Variants in AGAP1 observed in about 807,000 individuals in gnomAD.
The protein encoded by AGAP1 is ArfGAP with GTPase domain, ankyrin repeat and PH domain 1, also known as arf-GAP with GTPase, ANK repeat and PH domain-containing protein 1.
Under a neutral mutation model 105.3 loss-of-function variants are expected in AGAP1, and 29 were observed. The observed-to-expected ratio is 0.28, with a 90% CI of 0.21 to 0.38. AGAP1 has a LOEUF of 0.38. Ranked by LOEUF, AGAP1 falls within the 10% of genes least tolerant of loss-of-function variation. The pLI is 1.00. For synonymous variants in AGAP1, 509 were observed against 485.9 expected, an observed-to-expected ratio of 1.05 and a Z score of -0.63; for missense variants, 998 against 1,165.1, an observed-to-expected ratio of 0.86 and a Z score of 2.09.
rs1462445463 is a variant in AGAP1, at chr2:235,517,924, C to A, written c.163+23075C>A. ...CTCCAGCCTGGGTGACAGAGTGAGACTCCGTTTCAAAAAAAAAAAAAAAGA... is the reference window on the plus strand; with the variant it reads ...CTCCAGCCTGGGTGACAGAGTGAGAATCCGTTTCAAAAAAAAAAAAAAAGA... On this transcript the variant is annotated intron_variant, in intron 1 of 17. Transcript: ENST00000304032. This position sits in a 1 kb window ranked among gnomAD's most constrained non-coding sequence, Gnocchi z 4.1. 1.7e-5 allele frequency among the ~76,000 whole-genome samples: 2 copies of A among 120,998 alleles called. No individual in the cohort carries two copies. The highest frequency in any genetic ancestry group is 6.7e-5 in the African/African-American group (2 of 29,876). 79.4% of individuals were successfully genotyped at this position (120,998 alleles called of 152,430 possible).
chr2:235,770,876 C>T (rs774589005), intron 6 of AGAP1, among the ~76,000 whole-genome samples: 1 of 152,086 alleles, frequency 6.6e-6, no homozygotes, highest in Non-Finnish European at 1.5e-5. Flanking sequence ...CTGGAATTGA[C>T]GAATATTATA....
intron 13 of AGAP1, among the ~76,000 whole-genome samples, chr2:235,980,246 A>G (rs571315451): frequency 6.6e-6 from 1 of 152,222 alleles, no homozygotes; most frequent in Non-Finnish European, 1.5e-5. Context: ...AGTCGGAAAC[A>G]TTGATGGCTG....
chr2:235,801,316 G>A lies in AGAP1; in HGVS notation c.957+1794G>A, dbSNP rs888892893. ...GGGGCTTCCGGGAAGACTTCCTGGA[G>A]GAGGCAGAAGAGATCTGGTGGCATT... is the stretch of plus-strand genomic sequence containing the variant. On this transcript the variant is annotated intron_variant, in intron 8 of 17. Transcript: ENST00000304032. The surrounding 1 kb of genome is among the most constrained non-coding windows in gnomAD (Gnocchi z 6.0). Among the ~76,000 whole-genome samples, 2 of 152,172 alleles carry A rather than the reference G, an allele frequency of 1.3e-5. No individual in the cohort carries two copies. Among genetic ancestry groups the A allele is most frequent in the Non-Finnish European group, 2.9e-5 (2 of 68,026 alleles).
In AGAP1 at chr2:235,951,339, CTT is replaced by C. The variant is rs1161425458; in HGVS notation, c.1484-17120_1484-17119del. Among the ~76,000 whole-genome samples the C allele has an allele frequency of 6.6e-6, 1 of 152,078 alleles. No individual in the cohort carries two copies. Among genetic ancestry groups the C allele is most frequent in the Admixed American group, 6.5e-5 (1 of 15,268 alleles). ...TTCAAATTATCTTTCATGTTACAAA[CTT>C]TTCCAGCAGTTACCAGCCCCAGGTA... On this transcript the variant is annotated intron_variant, in intron 12 of 17. Transcript: ENST00000304032. The surrounding 1 kb of genome is among the most constrained non-coding windows in gnomAD (Gnocchi z 4.2).
rs1553615546 is a variant in AGAP1 at position 235,728,326 on chromosome 2, T to TGCGC, written c.310+10685_310+10686insCGCG. Among the ~76,000 whole-genome samples the TGCGC allele has an allele frequency of 6.6e-6, 1 of 151,628 alleles. No homozygotes were observed. The highest frequency in any genetic ancestry group is 2.4e-5 in the African/African-American group (1 of 41,084). ...CTGTGTGTGTGTGTGTGTGTGTGTG[T>TGCGC]GCGTGCTCTTAAATCAATGTAAATT... is the stretch of plus-strand genomic sequence containing the variant. On this transcript the variant is annotated intron_variant, in intron 3 of 17. Coordinates refer to ENST00000304032, the MANE Select transcript of AGAP1 (RefSeq NM_001037131.3). The surrounding 1 kb of genome is among the most constrained non-coding windows in gnomAD (Gnocchi z 4.3).
chr2:235,880,557 C>A (rs186400214), intron 9 of AGAP1, among the ~76,000 whole-genome samples: 1 of 146,250 alleles, frequency 6.8e-6, no homozygotes, highest in Non-Finnish European at 1.5e-5. Flanking sequence ...ATGGTGAAAC[C>A]CCATTTCTAC....
At chr2:235,914,133 A>G (rs1434743430) in intron 11 of AGAP1, among the ~76,000 whole-genome samples, 3 of 152,296 alleles carry the variant, frequency 2.0e-5, no homozygotes, top group East Asian at 1.9e-4. Context: ...TTATTCAGCC[A>G]TCTTGCTGAA....
chr2:236,095,096 C>A lies in AGAP1; in HGVS notation c.2115-25096C>A, dbSNP rs1175532489. On this transcript the variant is annotated intron_variant, in intron 16 of 17. Transcript: ENST00000304032. This position sits in a 1 kb window ranked among gnomAD's most constrained non-coding sequence, Gnocchi z 4.1. ...CCTTGGTGAGAGTGAGACACTGTCT[C>A]AAAAAAGTTGTGGGGGCAGGGCAGG... 6.6e-6 allele frequency among the ~76,000 whole-genome samples: 1 copy of A among 151,314 alleles called. No homozygotes were observed. The highest frequency in any genetic ancestry group is 1.5e-5 in the Non-Finnish European group (1 of 67,932).
chr2:235,607,167 G>A (rs1036551465), intron 1 of AGAP1, among the ~76,000 whole-genome samples: 32 of 144,052 alleles, frequency 2.2e-4, no homozygotes, highest in Admixed American at 3.4e-4. Context: ...CGGTGAGTTC[G>A]TTTGTTTCCA....
intron 1 of AGAP1, among the ~76,000 whole-genome samples, chr2:235,687,598 A>G (rs1336314473): frequency 6.6e-6 from 1 of 152,230 alleles, no homozygotes; most frequent in Non-Finnish European, 1.5e-5. Flanking sequence ...ATAAAAACTT[A>G]TTACATGAGG....
rs565869628 is a variant in AGAP1, at chr2:235,642,506, G to A, written c.164-66673G>A. On this transcript the variant is annotated intron_variant, in intron 1 of 17. Coordinates refer to ENST00000304032, the MANE Select transcript of AGAP1 (RefSeq NM_001037131.3). The surrounding 1 kb of genome is among the most constrained non-coding windows in gnomAD (Gnocchi z 4.1). ...CTTGGTTTTGCCAGCACTCCCAGTG[G>A]ACAGTCATGCCTGGACTTGTCTTCT... Among the ~76,000 whole-genome samples, 16 of 152,280 alleles carry A rather than the reference G, an allele frequency of 1.1e-4. No individual in the cohort carries two copies. Among genetic ancestry groups the A allele is most frequent in the African/African-American group, 3.4e-4 (14 of 41,562 alleles).
At position 235,961,966 on chromosome 2, in the gene AGAP1, C is replaced by T. The variant is rs765077262; in HGVS notation, c.1484-6496C>T. The stretch of plus-strand genomic sequence containing the variant: ...TCCATTTCCCAGGGGAGGGGCCCCG[C>T]GCCCATGGAGACTGCTGGGGACAGG... On this transcript the variant is annotated intron_variant, in intron 12 of 17. Transcript: ENST00000304032. The surrounding 1 kb of genome is among the most constrained non-coding windows in gnomAD (Gnocchi z 5.9). Among the ~76,000 whole-genome samples, 3 of 152,086 alleles carry T rather than the reference C, an allele frequency of 2.0e-5. No homozygotes were observed. The highest frequency in any genetic ancestry group is 1.9e-4 in the East Asian group (1 of 5,170).
In AGAP1 at chr2:235,559,529, A is replaced by G. The variant is rs1944082300; in HGVS notation, c.163+64680A>G. Among the ~76,000 whole-genome samples the G allele has an allele frequency of 6.6e-6, 1 of 152,202 alleles. No homozygotes were observed. The highest frequency in any genetic ancestry group is 1.5e-5 in the Non-Finnish European group (1 of 68,038). ...TGTAAATAATGTGTACTCAGTGTAG[A>G]AAAAATTAGCACAGGAAATAGAAAG... On this transcript the variant is annotated intron_variant, in intron 1 of 17. Coordinates refer to ENST00000304032, the MANE Select transcript of AGAP1 (RefSeq NM_001037131.3). This position sits in a 1 kb window ranked among gnomAD's most constrained non-coding sequence, Gnocchi z 5.7.
chr2:236,005,836 T>C lies in AGAP1; in HGVS notation c.1646-30725T>C, dbSNP rs1179147545. 6.6e-6 allele frequency among the ~76,000 whole-genome samples: 1 copy of C among 152,220 alleles called. No homozygotes were observed. Among genetic ancestry groups the C allele is most frequent in the Non-Finnish European group, 1.5e-5 (1 of 68,046 alleles). ...TCAAGGGTATATACCATCAACTTTA[T>C]TTATGGCTGCTGATGTTGACCTTGA... On this transcript the variant is annotated intron_variant, in intron 13 of 17. Coordinates refer to ENST00000304032, the MANE Select transcript of AGAP1 (RefSeq NM_001037131.3). The surrounding 1 kb of genome is among the most constrained non-coding windows in gnomAD (Gnocchi z 4.1).
chr2:235,827,964 C>T (rs539763546), intron 9 of AGAP1, among the ~76,000 whole-genome samples: 7 of 152,274 alleles, frequency 4.6e-5, no homozygotes, highest in South Asian at 4.1e-4. Flanking sequence ...GGCCAGCCTG[C>T]GGGACTCCAG....
At position 235,721,074 on chromosome 2, in the gene AGAP1, C is replaced by T. The variant is rs1280677927; in HGVS notation, c.310+3430C>T. Reference sequence around the variant, plus strand: ...CCAGACTGGAGTGCAGTGGCGTGATCTCAGCTCACTCCAACCTCTGCCTCC... The same window carrying T: ...CCAGACTGGAGTGCAGTGGCGTGATTTCAGCTCACTCCAACCTCTGCCTCC... On this transcript the variant is annotated intron_variant, in intron 3 of 17. Transcript: ENST00000304032. The surrounding 1 kb of genome is among the most constrained non-coding windows in gnomAD (Gnocchi z 4.5). Among the ~76,000 whole-genome samples the T allele has an allele frequency of 2.0e-5, 3 of 152,288 alleles. No individual in the cohort carries two copies. Among genetic ancestry groups the T allele is most frequent in the African/African-American group, 7.2e-5 (3 of 41,560 alleles).
At chr2:235,881,650 C>T (rs1345267305) in intron 9 of AGAP1, among the ~76,000 whole-genome samples, 1 of 152,216 alleles carries the variant, frequency 6.6e-6, no homozygotes, top group African/African-American at 2.4e-5. Context: ...GAGAGAATCC[C>T]AGCTCAAGGT....
rs1949697469 is a variant in AGAP1 at position 235,690,745 on chromosome 2, T to C, written c.164-18434T>C. Among the ~76,000 whole-genome samples, 1 of 152,214 alleles carries C rather than the reference T, an allele frequency of 6.6e-6. No individual in the cohort carries two copies. The highest frequency in any genetic ancestry group is 2.4e-5 in the African/African-American group (1 of 41,474). On this transcript the variant is annotated intron_variant, in intron 1 of 17. Transcript: ENST00000304032. The surrounding 1 kb of genome is among the most constrained non-coding windows in gnomAD (Gnocchi z 4.1). ...GACACCTGTCTGCTTGGGGCAGGTA[T>C]ACTGACTTTTTGTTGCTTTTACGGT... is the stretch of plus-strand genomic sequence containing the variant.
At position 235,662,961 on chromosome 2, in the gene AGAP1, C is replaced by T. The variant is rs1369821808; in HGVS notation, c.164-46218C>T. 6.6e-6 allele frequency among the ~76,000 whole-genome samples: 1 copy of T among 152,178 alleles called. No individual in the cohort carries two copies. Among genetic ancestry groups the T allele is most frequent in the African/African-American group, 2.4e-5 (1 of 41,442 alleles). ...TCTAACTAGGAGGGCAGGTAGCTGC[C>T]GCTCCCAGCAGCCCCTGATGTGTTT... is the stretch of plus-strand genomic sequence containing the variant. On this transcript the variant is annotated intron_variant, in intron 1 of 17. Coordinates refer to ENST00000304032, the MANE Select transcript of AGAP1 (RefSeq NM_001037131.3). This position sits in a 1 kb window ranked among gnomAD's most constrained non-coding sequence, Gnocchi z 4.2.
Sources: gnomAD v4.1 joint callset for allele counts (sites outside exome capture counted in the v4.1 genomes callset) on GRCh38, gnomAD v4.1.1 for gene constraint, Gnocchi (gnomAD v3.1) non-coding constraint, MANE v1.5 for transcripts, NCBI Gene and HGNC (gene_info 2026-07-23, HGNC 2026-07-21) for gene names.